PDE8A: variants seen among roughly 807,000 people sequenced by gnomAD.
PDE8A encodes high affinity cAMP-specific and IBMX-insensitive 3',5'-cyclic phosphodiesterase 8A.
A neutral mutation model predicts 105.0 loss-of-function variants in PDE8A; 59 were observed. The ratio of observed to expected loss-of-function variants is 0.56; its 90% CI spans 0.46 to 0.70. PDE8A has a LOEUF of 0.70. PDE8A is among the 30% of genes least tolerant of loss of function. The pLI, the probability that PDE8A is intolerant of heterozygous loss-of-function variation, is 0.00. For missense variants in PDE8A, 1,014 were observed against 1,045.9 expected, an observed-to-expected ratio of 0.97 and a Z score of 0.42; for synonymous variants, 355 against 371.9, an observed-to-expected ratio of 0.95 and a Z score of 0.52.
intron 11 of PDE8A, among the ~76,000 whole-genome samples, chr15:85,106,776 C>G (rs568970977): frequency 3.9e-5 from 6 of 152,306 alleles, no homozygotes; most frequent in African/African-American, 9.6e-5. Context: ...TGCAGGCCAT[C>G]CTTACCTGCC....
At chr15:85,098,074 T>A in intron 9 of PDE8A, 38 bp downstream of exon 9, 1 of 1,193,660 alleles carries the variant, frequency 8.4e-7, no homozygotes. Flanking sequence ...CAACATACAG[T>A]GTTTTGGGTT....
intron 1 of PDE8A, among the ~76,000 whole-genome samples, chr15:85,034,038 G>A (rs1414250293): frequency 6.6e-6 from 1 of 152,146 alleles, no homozygotes; most frequent in Non-Finnish European, 1.5e-5. Flanking sequence ...GGCCAGCCTT[G>A]CAACATCTCC....
At chr15:85,071,544 T>TTTTG (rs2081310829) in intron 3 of PDE8A, among the ~76,000 whole-genome samples, 1 of 152,236 alleles carries the variant, frequency 6.6e-6, no homozygotes, top group East Asian at 1.9e-4. Context: ...ATTGCATCAG[T>TTTTG]TCTCAGGTTC....
At chr15:85,105,048 TG>T (rs2081927672) in intron 11 of PDE8A, among the ~76,000 whole-genome samples, 1 of 152,012 alleles carries the variant, frequency 6.6e-6, no homozygotes, top group South Asian at 2.1e-4. Flanking sequence ...GCCAGGGGAT[TG>T]GGCATGCAGG....
intron 2 of PDE8A, among the ~76,000 whole-genome samples, 189 bp from the exon 3 acceptor site, chr15:85,066,825 C>T (rs923362097): frequency 1.8e-4 from 27 of 151,870 alleles, no homozygotes; most frequent in Non-Finnish European, 7.4e-5. Flanking sequence ...TGTGGCCCAA[C>T]TACTCGGCAG....
chr15:85,104,691 C>A (rs1478486185), intron 11 of PDE8A, among the ~76,000 whole-genome samples: 2 of 152,082 alleles, frequency 1.3e-5, no homozygotes, highest in African/African-American at 4.8e-5. Flanking sequence ...CAAATAAGAT[C>A]GTAAGAAAGA....
chr15:85,096,470 A>C (rs563070606), intron 8 of PDE8A, among the ~76,000 whole-genome samples: 1 of 152,254 alleles, frequency 6.6e-6, no homozygotes, highest in South Asian at 2.1e-4. Context: ...AAGATAAAGA[A>C]AGTATACTAT....
intron 1 of PDE8A, among the ~76,000 whole-genome samples, chr15:85,015,709 C>T (rs144851227): frequency 1.5e-4 from 23 of 152,128 alleles, no homozygotes; most frequent in Non-Finnish European, 2.2e-4. Flanking sequence ...CTCTGCATTC[C>T]TTTTTTTGTT....
intron 1 of PDE8A, among the ~76,000 whole-genome samples, chr15:85,057,470 T>G (rs56279648): frequency 0.088 from 13,440 of 152,220 alleles, 1,654 homozygotes; most frequent in African/African-American, 0.28. Context: ...AGGAATTCCC[T>G]GACCCCTTGT....
intron 1 of PDE8A, among the ~76,000 whole-genome samples, chr15:84,991,537 C>T (rs1309131350): frequency 6.6e-6 from 1 of 152,184 alleles, no homozygotes; most frequent in Non-Finnish European, 1.5e-5. Flanking sequence ...TAGGGAAAAA[C>T]CCATTGTCAT....
chr15:84,995,794 T>C lies in PDE8A; in HGVS notation c.186+13446T>C, dbSNP rs139762996. The stretch of plus-strand genomic sequence containing the variant: ...TGAAATTTTGTAATTAAAAAATCCC[T>C]GAGTGGCTGGGATTATAGGCATGCA... On this transcript the variant is annotated intron_variant, in intron 1 of 21. Transcript: ENST00000394553. 8.5e-5 allele frequency among the ~76,000 whole-genome samples: 13 copies of C among 152,364 alleles called. 1 individual carries two copies. In the East Asian group the frequency reaches 2.3e-3, roughly 27 times the overall value.
intron 4 of PDE8A, among the ~76,000 whole-genome samples, chr15:85,076,143 A>G (rs982271439): frequency 1.4e-4 from 22 of 152,222 alleles, no homozygotes; most frequent in Non-Finnish European, 2.9e-4. Context: ...TTCACTTTAG[A>G]AACAGGCGAA....
At chr15:85,106,576 G>A (rs1362164572) in intron 11 of PDE8A, among the ~76,000 whole-genome samples, 1 of 152,206 alleles carries the variant, frequency 6.6e-6, no homozygotes, top group East Asian at 1.9e-4. Context: ...CTCAGAGGAA[G>A]GAGACACATT....
chr15:85,078,872 A>G (rs1198642574), intron 5 of PDE8A, among the ~76,000 whole-genome samples: 1 of 152,218 alleles, frequency 6.6e-6, no homozygotes, highest in African/African-American at 2.4e-5. Flanking sequence ...GAAAGAGACT[A>G]CAAACTAATC....
intron 1 of PDE8A, among the ~76,000 whole-genome samples, chr15:85,028,316 A>G (rs998934283): frequency 6.6e-6 from 1 of 152,060 alleles, no homozygotes; most frequent in Non-Finnish European, 1.5e-5. Flanking sequence ...CTGGGCTCAA[A>G]TGATCCTCCC....
At chr15:85,100,674 C>G (rs1596519663) in intron 11 of PDE8A, among the ~76,000 whole-genome samples, 2 of 152,350 alleles carry the variant, frequency 1.3e-5, no homozygotes, top group East Asian at 3.9e-4. Flanking sequence ...ACTGCAAATG[C>G]ATTTCCCTGG....
chr15:85,022,506 G>C (rs1226186350), intron 1 of PDE8A, among the ~76,000 whole-genome samples: 1 of 151,024 alleles, frequency 6.6e-6, no homozygotes, highest in East Asian at 1.9e-4. Context: ...TTTTCAGAAG[G>C]GGCTATGGCA....
chr15:85,030,196 T>A (rs1004801740), intron 1 of PDE8A, among the ~76,000 whole-genome samples: 1 of 152,106 alleles, frequency 6.6e-6, no homozygotes, highest in African/African-American at 2.4e-5. Context: ...TCTTTCTTTT[T>A]GTAAATTCCT....
At position 85,126,402 on chromosome 15, in the gene PDE8A, A is replaced by G. The variant is rs778145388; in HGVS notation, c.2253+28A>G. ...AAGTTGCTGCCTCTTTTAAGTTTCT[A>G]GAGAGAGAGAGAGTTAAAACCCATA... On this transcript the variant is annotated intron_variant, in intron 20 of 21. Transcript: ENST00000394553. The G allele has an allele frequency of 3.0e-6, 4 of 1,348,472 alleles. No homozygotes were observed. In the African/African-American group the frequency reaches 4.5e-5, roughly 15 times the overall value. The allele number at this position is 1,348,472 out of a possible 1,614,324, so 83.5% of individuals were successfully genotyped here.
Sources: allele counts gnomAD v4.1 joint callset (sites outside exome capture counted in the v4.1 genomes callset), GRCh38; gene constraint gnomAD v4.1.1; transcripts MANE v1.5; gene names NCBI Gene and HGNC (gene_info 2026-07-23, HGNC 2026-07-21).